Variants in LPCAT4 observed in about 807,000 individuals in gnomAD.
LPCAT4 encodes the protein lysophospholipid acyltransferase LPCAT4.
LPCAT4 carries 30 observed loss-of-function variants against 66.5 expected under a neutral mutation model. The ratio of observed to expected loss-of-function variants is 0.45; its 90% confidence interval spans 0.34 to 0.61. LPCAT4 has a LOEUF of 0.61. LPCAT4 is among the 20% of genes least tolerant of loss of function. The probability of loss-of-function intolerance (pLI) is 0.01; values close to 1 mark genes in which losing one functional copy is unlikely to be tolerated. For missense variants in LPCAT4, 557 were observed against 656.7 expected, an observed-to-expected ratio of 0.85 and a Z score of 1.66; for synonymous variants, 253 against 262.1, an observed-to-expected ratio of 0.97 and a Z score of 0.34.
chr15:34,359,582 G>T lies in LPCAT4; in HGVS notation c.1399+7C>A. ...GCCCGTGTGGGGCTGAGAAGGCAGT[G>T]ACTCACAGAGGGAGAGGCCTTGGCT... On this transcript the variant is annotated splice_region_variant and intron_variant, in intron 13 of 13. Coordinates refer to ENST00000314891, the MANE Select transcript of LPCAT4 (RefSeq NM_153613.3). 1 of 1,610,652 alleles carries T rather than the reference G, an allele frequency of 6.2e-7. No individual in the cohort carries two copies. The highest frequency in any genetic ancestry group is 1.1e-5 in the South Asian group (1 of 90,660).
At chr15:34,366,923 G>C (rs904722765) in intron 1 of LPCAT4, 64 bp downstream of exon 1, 10 of 1,529,504 alleles carry the variant, frequency 6.5e-6, no homozygotes, top group Non-Finnish European at 7.9e-6. Flanking sequence ...CCTTTGCCAG[G>C]GCTCAAATGG....
intron 12 of LPCAT4, 140 bp downstream of exon 12, chr15:34,359,971 G>T: frequency 1.2e-6 from 1 of 840,056 alleles, no homozygotes; most frequent in Non-Finnish European, 1.9e-6. Flanking sequence ...GGGGTCTGCA[G>T]TTTTAGGCAC....
intron 3 of LPCAT4, chr15:34,364,579 A>T: frequency 4.5e-6 from 1 of 219,896 alleles, no homozygotes; most frequent in South Asian, 1.1e-4. Context: ...ATGGGCCACC[A>T]CGCCCGGCTA....
At chr15:34,362,919 A>G in intron 7 of LPCAT4, 83 bp from the exon 8 acceptor site, 1 of 1,389,992 alleles carries the variant, frequency 7.2e-7, no homozygotes, top group South Asian at 1.2e-5. Flanking sequence ...CCCCTTCCCC[A>G]ACCCAGGTGG....
In LPCAT4 at chr15:34,361,408, A is replaced by G; in HGVS notation, c.1135T>C (p.Phe379Leu). The stretch of plus-strand genomic sequence containing the variant: ...TGTTCCAGCTCCTTTACCTGCTGGA[A>G]GTAGCCAAAGGCACCAGCCACCGTC... The part of the protein sequence containing the change: ...PQTVAGAFGY[F>L]QQDTKGLVDF... Residue 379 changes from phenylalanine to leucine, a missense_variant, in exon 11 of 14, where the codon TTC becomes CTC. This residue lies in a region of LPCAT4 where 392 missense variants were observed against 473.9 expected (regional missense o/e 0.83). Coordinates refer to ENST00000314891, the MANE Select transcript of LPCAT4 (RefSeq NM_153613.3). 6.2e-7 allele frequency: 1 copy of G among 1,614,216 alleles called. No homozygotes were observed. Among genetic ancestry groups the G allele is most frequent in the East Asian group, 2.2e-5 (1 of 44,890 alleles).
In LPCAT4 at chr15:34,359,712, G is replaced by A. The variant is rs774698476; in HGVS notation, c.1276C>T (p.Arg426Cys). ...FAEEQAEGPN[R>C]LLYKDGFSTI... Reference sequence around the variant, plus strand: ...CTGAAGCCGTCTTTGTACAGCAGGCGGTTGGGACCCTCTGCTTGCTCTTCA... The same window carrying A: ...CTGAAGCCGTCTTTGTACAGCAGGCAGTTGGGACCCTCTGCTTGCTCTTCA... Residue 426 changes from arginine (R) to cysteine (C), a missense_variant, in exon 13 of 14, where the codon CGC becomes TGC. Around this residue, in one of 4 missense-constraint regions of LPCAT4, gnomAD observed 392 missense variants for 473.9 expected, o/e 0.83. Coordinates refer to ENST00000314891, the MANE Select transcript of LPCAT4 (RefSeq NM_153613.3). 6.2e-6 allele frequency: 10 copies of A among 1,613,500 alleles called. No homozygotes were observed. Among genetic ancestry groups the A allele is most frequent in the East Asian group, 2.2e-5 (1 of 44,880 alleles).
In LPCAT4 at chr15:34,363,631, C is replaced by G. The variant is rs769372848; in HGVS notation, c.711+30G>C. 6.2e-7 allele frequency: 1 copy of G among 1,613,166 alleles called. No homozygotes were observed. Among genetic ancestry groups the G allele is most frequent in the Non-Finnish European group, 8.5e-7 (1 of 1,179,084 alleles). Reference sequence around the variant, plus strand: ...CATTTGGGGTGGATTTGTGCTCCCCCTTTCCACTCTTTCTTGGACTAAGAC... The same window carrying G: ...CATTTGGGGTGGATTTGTGCTCCCCGTTTCCACTCTTTCTTGGACTAAGAC... On this transcript the variant is annotated intron_variant, in intron 6 of 13. Coordinates refer to ENST00000314891, the MANE Select transcript of LPCAT4 (RefSeq NM_153613.3). This position sits in a 1 kb window ranked among gnomAD's most constrained non-coding sequence, Gnocchi z 4.3.
rs1258344001 is a variant in LPCAT4 at position 34,363,276 on chromosome 15, A to C, written c.746+146T>G. ...CACAGCCAGATTATATGGGGACATCAGGGGGAAAGTGGTGTCTCCTCTAGA... is the reference window on the plus strand; with the variant it reads ...CACAGCCAGATTATATGGGGACATCCGGGGGAAAGTGGTGTCTCCTCTAGA... On this transcript the variant is annotated intron_variant, in intron 7 of 13. Transcript: ENST00000314891. This position sits in a 1 kb window ranked among gnomAD's most constrained non-coding sequence, Gnocchi z 4.3. 8 of 835,992 alleles carry C rather than the reference A, an allele frequency of 9.6e-6. No individual in the cohort carries two copies. The East Asian group carries it at 2.0e-4, about 20-fold the overall frequency. 51.8% of individuals were successfully genotyped at this position (835,992 alleles called of 1,614,324 possible). A position where few individuals can be genotyped will look rare whatever the true frequency, so the allele number is the denominator to read the frequency against.
intron 11 of LPCAT4, chr15:34,360,875 T>C (rs1466301397): frequency 6.5e-6 from 1 of 153,950 alleles, no homozygotes; most frequent in East Asian, 1.9e-4. Flanking sequence ...TTTTTGGAAG[T>C]TGACCAGGGA....
Position 34,361,481 on chromosome 15 carries a change from C to A in LPCAT4, c.1062G>T (p.Met354Ile). Reference protein sequence around the residue: ...DAGAEPGRSRMISQEEFARQL... With the variant: ...DAGAEPGRSRIISQEEFARQL... Reference sequence around the variant, plus strand: ...GCCTGGCAAACTCTTCCTGGCTGATCATTCGACTCCGGCCTGGCTCTGCCC... The same window carrying A: ...GCCTGGCAAACTCTTCCTGGCTGATAATTCGACTCCGGCCTGGCTCTGCCC... The change falls in exon 11 of 14, where the codon ATG becomes ATT. Residue 354 changes from methionine to isoleucine, a missense_variant. This residue lies in a region of LPCAT4 where 392 missense variants were observed against 473.9 expected (regional missense o/e 0.83). Transcript: ENST00000314891. The A allele has an allele frequency of 6.2e-7, 1 of 1,614,116 alleles. No homozygotes were observed. Among genetic ancestry groups the A allele is most frequent in the Non-Finnish European group, 8.5e-7 (1 of 1,180,040 alleles).
chr15:34,364,807 T>C, intron 3 of LPCAT4: 1 of 568,992 alleles, frequency 1.8e-6, no homozygotes, highest in Non-Finnish European at 3.1e-6. Flanking sequence ...TTTAGAGAAC[T>C]GACCAGAACT....
Position 34,363,353 on chromosome 15 carries a change from G to T in LPCAT4, c.746+69C>A. On this transcript the variant is annotated intron_variant, in intron 7 of 13. Transcript: ENST00000314891. The surrounding 1 kb of genome is among the most constrained non-coding windows in gnomAD (Gnocchi z 4.3). ...GGCCATTCACCTTGTCGGGAGATTG[G>T]AAGATGGGCCAGGAATTCTCTGATG... 6.5e-7 allele frequency: 1 copy of T among 1,540,906 alleles called. No individual in the cohort carries two copies. The highest frequency in any genetic ancestry group is 8.9e-7 in the Non-Finnish European group (1 of 1,127,904).
chr15:34,362,174 C>A, intron 10 of LPCAT4, 22 bp downstream of exon 10: 1 of 1,607,592 alleles, frequency 6.2e-7, no homozygotes, highest in Non-Finnish European at 8.5e-7. Flanking sequence ...CTGCTCATAC[C>A]CTCATTTCCA....
At chr15:34,361,331 G>A (rs960993201) in intron 11 of LPCAT4, 69 bp downstream of exon 11, 1 of 1,596,898 alleles carries the variant, frequency 6.3e-7, no homozygotes. Context: ...GACTGATACG[G>A]CCACTAGGAA....
At chr15:34,364,600 TTTTTTTACGCCCGGCTACTTTTTTTGTA>T (rs2140169557) in intron 3 of LPCAT4, 1 of 259,372 alleles carries the variant, frequency 3.9e-6, no homozygotes, top group African/African-American at 2.3e-5. Flanking sequence ...ATTTTTTTTT[TTTTTTTACGCCCGGCTACTTTTTTTGTA>T]TTTTTAGTAG....
At chr15:34,359,401 CTGTT>C in intron 13 of LPCAT4, 99 bp from the exon 14 acceptor site, 2 of 1,347,182 alleles carry the variant, frequency 1.5e-6, no homozygotes, top group Non-Finnish European at 2.0e-6. Flanking sequence ...TGCCTCTACT[CTGTT>C]TAACTTCTCA....
In LPCAT4 at chr15:34,363,502, C is replaced by T. The variant is rs1334036549; in HGVS notation, c.712-46G>A. The T allele has an allele frequency of 3.7e-6, 6 of 1,612,664 alleles. No individual in the cohort carries two copies. The highest frequency in any genetic ancestry group is 5.1e-6 in the Non-Finnish European group (6 of 1,179,118). On this transcript the variant is annotated intron_variant, in intron 6 of 13. Coordinates refer to ENST00000314891, the MANE Select transcript of LPCAT4 (RefSeq NM_153613.3). The surrounding 1 kb of genome is among the most constrained non-coding windows in gnomAD (Gnocchi z 4.3). ...AGGGCATAAGAGCATTACTTTTTCC[C>T]CCTGGAACTGGCCAATCACCTTTGA...
intron 11 of LPCAT4, among the ~76,000 whole-genome samples, chr15:34,360,445 G>A (rs931831775): frequency 6.6e-6 from 1 of 152,208 alleles, no homozygotes; most frequent in Non-Finnish European, 1.5e-5. Context: ...GGATCTCCTA[G>A]GAATGTAAGG....
chr15:34,359,801 T>C (rs941893038), intron 12 of LPCAT4, 56 bp from the exon 13 acceptor site: 3 of 1,531,294 alleles, frequency 2.0e-6, no homozygotes, highest in Admixed American at 2.0e-5. Context: ...GGCCTCACCC[T>C]GCCCCACAGA....
Sources: allele counts gnomAD v4.1 joint callset (sites outside exome capture counted in the v4.1 genomes callset), GRCh38; gene constraint gnomAD v4.1.1; regional missense constraint gnomAD v4.1.1; non-coding constraint Gnocchi (gnomAD v3.1); transcripts MANE v1.5; gene names NCBI Gene and HGNC (gene_info 2026-07-23, HGNC 2026-07-21).